The following ITSN1 variants were observed in gnomAD, a reference collection of about 807,000 sequenced individuals.
ITSN1 encodes intersectin-1.
In ITSN1, 58 loss-of-function variants were observed where a neutral mutation model predicts 239.8. The ratio of observed to expected loss-of-function variants is 0.24; its 90% CI spans 0.20 to 0.30. ITSN1 has a LOEUF of 0.30. ITSN1 is among the 10% of genes least tolerant of loss of function. The pLI is 1.00. For missense variants in ITSN1, 1,558 were observed against 2,103.3 expected (o/e 0.74, Z 5.07); for synonymous variants, 780 against 770.8 (o/e 1.01, Z -0.20).
At chr21:33,870,504 A>C (rs1259180538) in intron 33 of ITSN1, among the ~76,000 whole-genome samples, 3 of 152,248 alleles carry the variant, frequency 2.0e-5, no homozygotes, top group Non-Finnish European at 4.4e-5. Context: ...TATGAGATAC[A>C]TATGAAATCT....
intron 1 of ITSN1, among the ~76,000 whole-genome samples, chr21:33,702,442 T>C (rs115761751): frequency 0.044 from 6,746 of 152,178 alleles, 505 homozygotes; most frequent in African/African-American, 0.16. Flanking sequence ...TTTTCAAACA[T>C]TCAGGAAAGT....
At chr21:33,869,420 C>T (rs1023558327) in intron 33 of ITSN1, among the ~76,000 whole-genome samples, 1 of 152,242 alleles carries the variant, frequency 6.6e-6, no homozygotes, top group Non-Finnish European at 1.5e-5. Flanking sequence ...GCCACCCCAA[C>T]GATTCAATTA....
Position 33,797,412 on chromosome 21 carries a change from G to C in ITSN1, c.1986G>C (p.Glu662Asp). 6.2e-7 allele frequency: 1 copy of C among 1,614,008 alleles called. No individual in the cohort carries two copies. Among genetic ancestry groups the C allele is most frequent in the Non-Finnish European group, 8.5e-7 (1 of 1,179,930 alleles). The change falls in exon 18 of 40, where the codon GAG becomes GAC. Residue 662 changes from glutamate to aspartate, a missense_variant. Glu to Asp is a conservative substitution (Grantham distance 45). This residue lies in a region of ITSN1 where 982 missense variants were observed against 1,209.9 expected (regional missense o/e 0.81). Coordinates refer to ENST00000381318, the MANE Select transcript of ITSN1 (RefSeq NM_003024.3). The surrounding 1 kb of genome is among the most constrained non-coding windows in gnomAD (Gnocchi z 4.9). ...AGGAAAGGGACAAGCAGTGGCTGGA[G>C]CATGTGCAGCAGGAGGACGAGCATC... is the stretch of plus-strand genomic sequence containing the variant. ...RAQERDKQWL[E>D]HVQQEDEHQR... is the part of the protein sequence containing the mutation.
chr21:33,855,100 C>T (rs1420660855), intron 29 of ITSN1, among the ~76,000 whole-genome samples: 1 of 152,226 alleles, frequency 6.6e-6, no homozygotes, highest in Non-Finnish European at 1.5e-5. Flanking sequence ...ATACAATTTG[C>T]AGAAGCTTTC....
intron 1 of ITSN1, among the ~76,000 whole-genome samples, chr21:33,665,782 G>T (rs1021724898): frequency 1.3e-5 from 2 of 152,256 alleles, no homozygotes; most frequent in South Asian, 4.1e-4. Flanking sequence ...CATATAATGG[G>T]ATATGATTCA....
At chr21:33,878,501 G>T (rs1194352683) in intron 34 of ITSN1, among the ~76,000 whole-genome samples, 3 of 151,974 alleles carry the variant, frequency 2.0e-5, no homozygotes, top group Non-Finnish European at 2.9e-5. Context: ...ATTCACTAGG[G>T]TTTCCCAAAA....
chr21:33,856,478 T>C (rs1342855326), intron 29 of ITSN1, among the ~76,000 whole-genome samples: 2 of 152,188 alleles, frequency 1.3e-5, no homozygotes, highest in South Asian at 2.1e-4. Context: ...ACTGATCATA[T>C]AGGGTCAGGA....
At chr21:33,775,587 G>T (rs1267619960) in intron 14 of ITSN1, among the ~76,000 whole-genome samples, 1 of 152,202 alleles carries the variant, frequency 6.6e-6, no homozygotes, top group East Asian at 1.9e-4. Context: ...GCTAAGCCAT[G>T]TGGGTATCTG....
chr21:33,704,899 T>G (rs564708116), intron 1 of ITSN1, among the ~76,000 whole-genome samples: 4 of 128,230 alleles, frequency 3.1e-5, no homozygotes, highest in South Asian at 2.5e-4. Flanking sequence ...CCATCCTGGC[T>G]AACATGGAGA....
intron 1 of ITSN1, among the ~76,000 whole-genome samples, chr21:33,710,069 G>C (rs1293714826): frequency 1.3e-5 from 2 of 150,720 alleles, no homozygotes; most frequent in Non-Finnish European, 3.0e-5. Flanking sequence ...TTGCTGAGAG[G>C]CATTTTTTTT....
At chr21:33,753,357 A>G (rs2147513402) in intron 7 of ITSN1, among the ~76,000 whole-genome samples, 1 of 152,314 alleles carries the variant, frequency 6.6e-6, no homozygotes, top group South Asian at 2.1e-4. Context: ...AAGATGGTGC[A>G]TGAGGAAGCA....
intron 8 of ITSN1, among the ~76,000 whole-genome samples, chr21:33,760,291 G>A (rs1383859755): frequency 6.6e-6 from 1 of 152,142 alleles, no homozygotes; most frequent in Non-Finnish European, 1.5e-5. Context: ...GGCTACCTTG[G>A]TGGTAGCTGA....
At chr21:33,805,508 C>T (rs1251551127) in intron 20 of ITSN1, among the ~76,000 whole-genome samples, 1 of 152,116 alleles carries the variant, frequency 6.6e-6, no homozygotes, top group Non-Finnish European at 1.5e-5. Context: ...AGGGTTGGCT[C>T]AAATCTGGCC....
intron 5 of ITSN1, among the ~76,000 whole-genome samples, chr21:33,736,957 C>T (rs1337614478): frequency 6.6e-6 from 1 of 152,162 alleles, no homozygotes; most frequent in African/African-American, 2.4e-5. Context: ...TGCACCCCAG[C>T]CTGGGTGACA....
chr21:33,806,323 A>AT (rs1253324242), intron 20 of ITSN1, among the ~76,000 whole-genome samples: 1 of 152,226 alleles, frequency 6.6e-6, no homozygotes, highest in African/African-American at 2.4e-5. Context: ...AACACATCCC[A>AT]TGCAGCCACT....
At chr21:33,723,608 C>T (rs7276662) in intron 4 of ITSN1, among the ~76,000 whole-genome samples, 2,925 of 151,820 alleles carry the variant, frequency 0.019, 57 homozygotes, top group African/African-American at 0.052. Flanking sequence ...AGCGAGACTC[C>T]GTCTCCAAAA....
intron 28 of ITSN1, among the ~76,000 whole-genome samples, chr21:33,835,283 A>C (rs2074538261): frequency 6.6e-6 from 1 of 152,082 alleles, no homozygotes; most frequent in South Asian, 2.1e-4. Context: ...AGGCTGAGGA[A>C]TGTGGTTCCC....
chr21:33,703,186 G>GTA (rs964383120), intron 1 of ITSN1, among the ~76,000 whole-genome samples: 12 of 149,866 alleles, frequency 8.0e-5, no homozygotes, highest in Admixed American at 2.0e-4. Flanking sequence ...ATATATATGC[G>GTA]TATATATATA....
intron 1 of ITSN1, among the ~76,000 whole-genome samples, chr21:33,664,963 A>C (rs1019239126): frequency 6.7e-6 from 1 of 149,018 alleles, no homozygotes; most frequent in African/African-American, 2.5e-5. Context: ...CTACTTATAA[A>C]AAATAATTAG....
Sources: gnomAD v4.1 joint callset for allele counts (sites outside exome capture counted in the v4.1 genomes callset) on GRCh38, gnomAD v4.1.1 for gene constraint, gnomAD v4.1.1 regional missense constraint, Gnocchi (gnomAD v3.1) non-coding constraint, MANE v1.5 for transcripts, NCBI Gene and HGNC (gene_info 2026-07-23, HGNC 2026-07-21) for gene names.